SOX5: variants seen among roughly 807,000 people sequenced by gnomAD.
SOX5 encodes transcription factor SOX-5.
Under a neutral mutation model 92.0 loss-of-function variants are expected in SOX5, and 9 were observed. That is an observed-to-expected ratio of 0.10 (90% CI 0.06 to 0.17). The LOEUF is 0.17. Ranked by LOEUF, SOX5 falls within the 10% of genes least tolerant of loss-of-function variation. SOX5 has a pLI of 1.00. For missense variants in SOX5, 642 were observed against 944.5 expected, an observed-to-expected ratio of 0.68 and a Z score of 4.20; for synonymous variants, 344 against 336.3, an observed-to-expected ratio of 1.02 and a Z score of -0.25.
intron 3 of SOX5, among the ~76,000 whole-genome samples, chr12:23,838,030 TA>T (rs1568212463): frequency 8.2e-6 from 1 of 121,432 alleles, no homozygotes; most frequent in East Asian, 2.2e-4. Context: ...TATATACATT[TA>T]TATATTTTTA....
chr12:23,610,349 C>T (rs1470493126), intron 8 of SOX5, among the ~76,000 whole-genome samples: 1 of 152,134 alleles, frequency 6.6e-6, no homozygotes, highest in Non-Finnish European at 1.5e-5. Context: ...CACTGTCTAA[C>T]CGCCATCTGG....
At chr12:24,449,970 TTA>T (rs2137307509) in intron 1 of SOX5, among the ~76,000 whole-genome samples, 1 of 152,300 alleles carries the variant, frequency 6.6e-6, no homozygotes, top group East Asian at 1.9e-4. Flanking sequence ...CTACCTATCT[TTA>T]AGACCAAATC....
rs540700814 is a variant in SOX5 at position 24,369,026 on chromosome 12, G to C, written c.-250-387C>G. On this transcript the variant is annotated intron_variant, in intron 1 of 4. Transcript: ENST00000446891. Reference sequence around the variant, plus strand: ...TTACTTAATCTTGCTAAATCCAGCTGTCTGTAAAGTAAGGGTAACTGTAGT... The same window carrying C: ...TTACTTAATCTTGCTAAATCCAGCTCTCTGTAAAGTAAGGGTAACTGTAGT... Among the ~76,000 whole-genome samples the C allele has an allele frequency of 2.4e-4, 37 of 152,270 alleles. 1 individual carries two copies. Among genetic ancestry groups the C allele is most frequent in the African/African-American group, 8.2e-4 (34 of 41,548 alleles).
At chr12:24,237,267 T>A (rs1450149759) in intron 3 of SOX5, among the ~76,000 whole-genome samples, 2 of 152,204 alleles carry the variant, frequency 1.3e-5, no homozygotes, top group Non-Finnish European at 2.9e-5. Flanking sequence ...TTCCCAGAGA[T>A]GCCCTGAGTC....
At chr12:23,806,215 G>GA (rs1335018956) in intron 3 of SOX5, among the ~76,000 whole-genome samples, 1 of 151,960 alleles carries the variant, frequency 6.6e-6, no homozygotes, top group Admixed American at 6.6e-5. Flanking sequence ...ACAGTTCAAT[G>GA]AAAAAAATCA....
At chr12:24,326,811 G>T (rs957848734) in intron 2 of SOX5, among the ~76,000 whole-genome samples, 2 of 28,864 alleles carry the variant, frequency 6.9e-5, no homozygotes, top group African/African-American at 1.8e-4. Context: ...CACACACACA[G>T]GTCTACCCAC....
At chr12:23,648,352 A>C (rs191253669) in intron 7 of SOX5, among the ~76,000 whole-genome samples, 180 of 152,302 alleles carry the variant, frequency 1.2e-3, no homozygotes, top group Non-Finnish European at 2.3e-3. Context: ...TTTATGTGAA[A>C]GTTTATATAA....
intron 13 of SOX5, among the ~76,000 whole-genome samples, chr12:23,541,837 G>A (rs1426865830): frequency 5.3e-5 from 8 of 152,170 alleles, no homozygotes; most frequent in African/African-American, 1.2e-4. Context: ...ACGGCCGGGC[G>A]TGGTGGCTCA....
chr12:24,156,943 C>T (rs1952238212), intron 4 of SOX5, among the ~76,000 whole-genome samples: 1 of 152,060 alleles, frequency 6.6e-6, no homozygotes, highest in South Asian at 2.1e-4. Context: ...AAATTATCTG[C>T]AGTGTTCCAA....
chr12:23,762,171 C>T (rs1208959415), intron 3 of SOX5, among the ~76,000 whole-genome samples: 2 of 151,998 alleles, frequency 1.3e-5, no homozygotes, highest in Non-Finnish European at 1.5e-5. Flanking sequence ...ACCAGAAGGC[C>T]CCTTAACAGT....
chr12:24,093,479 C>T (rs1387337238), intron 4 of SOX5, among the ~76,000 whole-genome samples: 1 of 150,528 alleles, frequency 6.6e-6, no homozygotes, highest in East Asian at 1.9e-4. Flanking sequence ...GCCAAGATCG[C>T]GCCACTGCAC....
At position 23,745,448 on chromosome 12, in the gene SOX5, C is replaced by T. The variant is rs76439120; in HGVS notation, c.569-4409G>A. Among the ~76,000 whole-genome samples the T allele has an allele frequency of 3.9e-5, 6 of 152,216 alleles. No individual in the cohort carries two copies. In the East Asian group the frequency reaches 1.2e-3, roughly 29 times the overall value. Reference sequence around the variant, plus strand: ...CCTGTCATTTCCCCTGTTTAAAGACCTCCAATTGCTCCCCATTGGCTTCAG... The same window carrying T: ...CCTGTCATTTCCCCTGTTTAAAGACTTCCAATTGCTCCCCATTGGCTTCAG... On this transcript the variant is annotated intron_variant, in intron 4 of 14. Coordinates refer to ENST00000451604, the MANE Select transcript of SOX5 (RefSeq NM_006940.6).
chr12:24,015,187 C>T (rs145181551), intron 4 of SOX5, among the ~76,000 whole-genome samples: 62 of 152,128 alleles, frequency 4.1e-4, no homozygotes, highest in Middle Eastern at 3.4e-3. Context: ...TATTGTTCCT[C>T]GCAGATGGAA....
chr12:23,921,336 C>T lies in SOX5; in HGVS notation c.39-25312G>A, dbSNP rs59714295. Reference sequence around the variant, plus strand: ...ACGCCCTATGAAAGGCAAATCATGGCAGCAGTGAAACTATTGCTCTAAGAC... The same window carrying T: ...ACGCCCTATGAAAGGCAAATCATGGTAGCAGTGAAACTATTGCTCTAAGAC... On this transcript the variant is annotated intron_variant, in intron 1 of 14. Coordinates refer to ENST00000451604, the MANE Select transcript of SOX5 (RefSeq NM_006940.6). 7.5e-3 allele frequency among the ~76,000 whole-genome samples: 1,132 copies of T among 151,326 alleles called. 11 individuals are homozygous for T. The highest frequency in any genetic ancestry group is 0.026 in the African/African-American group (1,091 of 41,172).
intron 1 of SOX5, among the ~76,000 whole-genome samples, chr12:24,513,170 G>T (rs1451840706): frequency 6.6e-6 from 1 of 152,210 alleles, no homozygotes; most frequent in Non-Finnish European, 1.5e-5. Flanking sequence ...TTGCCCAACT[G>T]TAAGACTAAT....
chr12:23,754,269 G>C (rs1390146071), intron 4 of SOX5, among the ~76,000 whole-genome samples: 2 of 151,812 alleles, frequency 1.3e-5, no homozygotes, highest in African/African-American at 2.4e-5. Flanking sequence ...GGAAAAGGCA[G>C]TCTTCGCTGC....
At position 23,774,151 on chromosome 12, in the gene SOX5, A is replaced by C. The variant is rs2095027726; in HGVS notation, c.482-18427T>G. ...GGGGATAGCTGCTATCATCTTCATC[A>C]ATATCATCATGTTACCTTTTACTGC... On this transcript the variant is annotated intron_variant, in intron 3 of 14. Transcript: ENST00000451604. Among the ~76,000 whole-genome samples the C allele has an allele frequency of 2.0e-5, 3 of 152,332 alleles. No individual in the cohort carries two copies. In the South Asian group the frequency reaches 6.2e-4, roughly 32 times the overall value.
chr12:23,883,718 C>T (rs34394312), intron 2 of SOX5, among the ~76,000 whole-genome samples: 48,101 of 151,366 alleles, frequency 0.32, 8,697 homozygotes, highest in Non-Finnish European at 0.42. Context: ...CATTATATAT[C>T]TCATAATCTT....
chr12:24,309,971 C>T (rs138654791), intron 2 of SOX5, among the ~76,000 whole-genome samples: 29 of 152,192 alleles, frequency 1.9e-4, no homozygotes, highest in Admixed American at 3.9e-4. Context: ...CTTTCCCTAC[C>T]TGATTGCTAA....
Sources: allele counts gnomAD v4.1 joint callset (sites outside exome capture counted in the v4.1 genomes callset), GRCh38; gene constraint gnomAD v4.1.1; transcripts MANE v1.5; gene names NCBI Gene and HGNC (gene_info 2026-07-23, HGNC 2026-07-21).